Variants in UBE2G1 observed in about 807,000 individuals in gnomAD.
The protein encoded by UBE2G1 is ubiquitin conjugating enzyme E2 G1, also known as ubiquitin-conjugating enzyme E2 G1.
A neutral mutation model predicts 22.7 loss-of-function variants in UBE2G1; 5 were observed. The ratio of observed to expected loss-of-function variants is 0.22; its 90% CI spans 0.12 to 0.46. The LOEUF is 0.46. Among genes scored for constraint, UBE2G1 ranks in the 20% least tolerant of loss-of-function variants. The pLI, the probability that UBE2G1 is intolerant of heterozygous loss-of-function variation, is 0.99. For synonymous variants in UBE2G1, 74 were observed against 67.5 expected (o/e 1.10, Z -0.47); for missense variants, 88 against 203.9 (o/e 0.43, Z 3.46).
Position 4,269,625 on chromosome 17 carries a change from A to C in UBE2G1, c.*2929T>G, listed in dbSNP as rs1431718938. ...CACAGTACTAGTGGAATAACCTCAC[A>C]AACATGTTACCTTAGTATGACACGT... On this transcript the variant is annotated 3_prime_UTR_variant, in exon 6 of 6. Coordinates refer to ENST00000396981, the MANE Select transcript of UBE2G1 (RefSeq NM_003342.5). The C allele has an allele frequency of 1.1e-5, 2 of 186,186 alleles. No homozygotes were observed. Among genetic ancestry groups the C allele is most frequent in the Non-Finnish European group, 2.3e-5 (2 of 88,764 alleles). 11.5% of individuals were successfully genotyped at this position (186,186 alleles called of 1,614,324 possible).
intron 1 of UBE2G1, among the ~76,000 whole-genome samples, chr17:4,314,144 G>C (rs1165321257): frequency 2.0e-5 from 3 of 152,190 alleles, no homozygotes. Context: ...CAGCCCAGTA[G>C]TGCCCAGAAT....
In UBE2G1 at chr17:4,302,475, C is replaced by A. The variant is rs1263245070; in HGVS notation, c.149+4546G>T. 1.4e-5 allele frequency: 7 copies of A among 484,896 alleles called. No individual in the cohort carries two copies. The East Asian group carries it at 3.3e-4, about 23-fold the overall frequency. 30.0% of individuals were successfully genotyped at this position (484,896 alleles called of 1,614,324 possible). On this transcript the variant is annotated intron_variant, in intron 2 of 5. Coordinates refer to ENST00000396981, the MANE Select transcript of UBE2G1 (RefSeq NM_003342.5). Reference sequence around the variant, plus strand: ...ATCAACTGGGAACTGCATATGGCTTCACGCACTCCATTCAGAATCTTGGGG... The same window carrying A: ...ATCAACTGGGAACTGCATATGGCTTAACGCACTCCATTCAGAATCTTGGGG...
rs533169390 is a variant in UBE2G1 at position 4,298,106 on chromosome 17, G to GA, written c.150-1293dup. Among the ~76,000 whole-genome samples, 116 of 152,322 alleles carry GA rather than the reference G, an allele frequency of 7.6e-4. 3 individuals are homozygous for GA. The East Asian group carries it at 0.016, about 20-fold the overall frequency. On this transcript the variant is annotated intron_variant, in intron 2 of 5. Transcript: ENST00000396981. ...AAGTGTTGTCATGGAATGATATGAG[G>GA]AATCTATTGTTACATTTTTAAAAGC...
intron 1 of UBE2G1, among the ~76,000 whole-genome samples, chr17:4,346,625 G>A (rs1355043135): frequency 3.3e-5 from 5 of 150,544 alleles, no homozygotes; most frequent in South Asian, 2.1e-4. Flanking sequence ...TAGTAGAGAC[G>A]GGGTTTCACT....
At chr17:4,291,800 T>C (rs1338298613) in intron 3 of UBE2G1, among the ~76,000 whole-genome samples, 1 of 152,208 alleles carries the variant, frequency 6.6e-6, no homozygotes, top group East Asian at 1.9e-4. Flanking sequence ...ATTTCATATA[T>C]AACATCTGGT....
rs1041777678 is a variant in UBE2G1, at chr17:4,287,876, GA to G, written c.426+1353del. Among the ~76,000 whole-genome samples, 9 of 146,372 alleles carry G rather than the reference GA, an allele frequency of 6.1e-5. No homozygotes were observed. The East Asian group carries it at 8.0e-4, about 13-fold the overall frequency. ...CTAGACTAGCCTCTGGATTTAAAAA[GA>G]AAAAAAAAACTGCAGGATAGGGGCG... is the stretch of plus-strand genomic sequence containing the variant. On this transcript the variant is annotated intron_variant, in intron 4 of 5. Coordinates refer to ENST00000396981, the MANE Select transcript of UBE2G1 (RefSeq NM_003342.5).
At chr17:4,347,014 A>G (rs113571919) in intron 1 of UBE2G1, among the ~76,000 whole-genome samples, 3 of 152,002 alleles carry the variant, frequency 2.0e-5, no homozygotes, top group African/African-American at 7.2e-5. Context: ...TTAGCCGGGC[A>G]TGGTGGTGTA....
At chr17:4,286,922 G>C (rs1968970615) in intron 4 of UBE2G1, among the ~76,000 whole-genome samples, 2 of 152,022 alleles carry the variant, frequency 1.3e-5, no homozygotes, top group South Asian at 4.1e-4. Flanking sequence ...CCGCACGTCT[G>C]TAATACCAGC....
chr17:4,357,502 T>TG (rs1432433475), intron 1 of UBE2G1, among the ~76,000 whole-genome samples: 2,075 of 11,260 alleles, frequency 0.18, 199 homozygotes, highest in African/African-American at 0.33. Flanking sequence ...TGTGTGTGTG[T>TG]GTGTGTGGGG....
In UBE2G1 at chr17:4,344,036, C is replaced by T. The variant is rs1969741481; in HGVS notation, c.46+22235G>A. On this transcript the variant is annotated intron_variant, in intron 1 of 5. Transcript: ENST00000396981. ...TAGCCAAAAGACAAAAACAGGCAAA[C>T]AAATACAATGGTACTCCAACAGGCT... is the stretch of plus-strand genomic sequence containing the variant. Among the ~76,000 whole-genome samples, 4 of 152,134 alleles carry T rather than the reference C, an allele frequency of 2.6e-5. No individual in the cohort carries two copies. The South Asian group carries it at 8.3e-4, about 32-fold the overall frequency.
intron 1 of UBE2G1, among the ~76,000 whole-genome samples, chr17:4,364,626 G>T (rs1970011538): frequency 6.7e-6 from 1 of 149,386 alleles, no homozygotes. Context: ...TGTTGCCCAG[G>T]CTGGAAAGCA....
At chr17:4,317,388 G>T (rs1438739437) in intron 1 of UBE2G1, among the ~76,000 whole-genome samples, 3 of 152,102 alleles carry the variant, frequency 2.0e-5, no homozygotes, top group African/African-American at 7.2e-5. Context: ...ATGGTGGCAT[G>T]TGCCTATATA....
chr17:4,274,427 G>C (rs1019206532), intron 5 of UBE2G1, among the ~76,000 whole-genome samples: 1 of 152,112 alleles, frequency 6.6e-6, no homozygotes, highest in African/African-American at 2.4e-5. Flanking sequence ...TCGATCTTCT[G>C]ACCTCGTGAT....
intron 1 of UBE2G1, among the ~76,000 whole-genome samples, chr17:4,341,219 G>A (rs6502780): frequency 0.45 from 68,405 of 151,948 alleles, 18,521 homozygotes; most frequent in African/African-American, 0.77. Context: ...TTCAGTCAAC[G>A]CTTACTGGGT....
At chr17:4,293,610 A>G (rs562275571) in intron 3 of UBE2G1, among the ~76,000 whole-genome samples, 71 of 152,176 alleles carry the variant, frequency 4.7e-4, no homozygotes, top group Middle Eastern at 3.4e-3. Context: ...TTCTCCAAAC[A>G]CCCGCACCAT....
intron 1 of UBE2G1, among the ~76,000 whole-genome samples, chr17:4,320,685 G>T (rs941121278): frequency 1.3e-5 from 2 of 152,044 alleles, no homozygotes; most frequent in Non-Finnish European, 2.9e-5. Flanking sequence ...AAAATAGAAG[G>T]CATTAGACAC....
intron 1 of UBE2G1, among the ~76,000 whole-genome samples, chr17:4,313,905 G>A (rs2143746152): frequency 6.6e-6 from 1 of 152,294 alleles, no homozygotes; most frequent in East Asian, 1.9e-4. Context: ...GGACAAGGTA[G>A]TGTCCTTGAG....
chr17:4,328,457 C>T (rs1051521913), intron 1 of UBE2G1, among the ~76,000 whole-genome samples: 22 of 152,132 alleles, frequency 1.4e-4, no homozygotes, highest in African/African-American at 4.6e-4. Context: ...TAAATATTTT[C>T]GCCAGCAAGA....
chr17:4,349,154 C>G (rs545231067), intron 1 of UBE2G1, among the ~76,000 whole-genome samples: 1 of 152,206 alleles, frequency 6.6e-6, no homozygotes, highest in East Asian at 1.9e-4. Context: ...AACCCTGTCT[C>G]TACTAAAATA....
Sources: allele counts gnomAD v4.1 joint callset (sites outside exome capture counted in the v4.1 genomes callset), GRCh38; gene constraint gnomAD v4.1.1; transcripts MANE v1.5; gene names NCBI Gene and HGNC (gene_info 2026-07-23, HGNC 2026-07-21).